The following FOXN3 variants were observed in gnomAD, a reference collection of about 807,000 sequenced individuals.
FOXN3 encodes forkhead box protein N3.
A neutral mutation model predicts 38.4 loss-of-function variants in FOXN3; 7 were observed. The ratio of observed to expected loss-of-function variants is 0.18; its 90% confidence interval spans 0.10 to 0.34. FOXN3 has a LOEUF of 0.34. Ranked by LOEUF, FOXN3 falls within the 10% of genes least tolerant of loss-of-function variation. FOXN3 has a pLI of 1.00. For synonymous variants in FOXN3, 230 were observed against 242.2 expected (o/e 0.95, Z 0.47); for missense variants, 456 against 613.4 (o/e 0.74, Z 2.71).
At chr14:89,555,689 T>A (rs181203583) in intron 1 of FOXN3, among the ~76,000 whole-genome samples, 1 of 152,288 alleles carries the variant, frequency 6.6e-6, no homozygotes, top group East Asian at 1.9e-4. Flanking sequence ...AATTTGATAA[T>A]CACAATAACC....
chr14:89,251,774 T>C (rs146316048), intron 4 of FOXN3, among the ~76,000 whole-genome samples: 115 of 152,342 alleles, frequency 7.5e-4, no homozygotes, highest in African/African-American at 2.6e-3. Context: ...ATAAAATCAT[T>C]ACTATAAACA....
At chr14:89,253,735 T>TCAATCTGTACCCTTCTCACTAGC (rs1202939403) in intron 4 of FOXN3, among the ~76,000 whole-genome samples, 29 of 152,298 alleles carry the variant, frequency 1.9e-4, no homozygotes, top group African/African-American at 7.0e-4. Context: ...CCCTCTCTAG[T>TCAATCTGTACCCTTCTCACTAGC]CAATCTGTAC....
At chr14:89,355,876 T>C (rs1467104325) in intron 2 of FOXN3, among the ~76,000 whole-genome samples, 2 of 151,662 alleles carry the variant, frequency 1.3e-5, no homozygotes, top group African/African-American at 4.8e-5. Context: ...TTAGCAACAG[T>C]GGGGGACTTA....
intron 4 of FOXN3, among the ~76,000 whole-genome samples, chr14:89,280,143 C>T (rs552419782): frequency 5.3e-5 from 8 of 152,290 alleles, no homozygotes; most frequent in African/African-American, 1.4e-4. Context: ...ATAGAAAGCT[C>T]GAAGGCCCCG....
chr14:89,310,271 G>T (rs1015169869), intron 3 of FOXN3, among the ~76,000 whole-genome samples: 2 of 152,188 alleles, frequency 1.3e-5, no homozygotes, highest in African/African-American at 4.8e-5. Flanking sequence ...AACCTGCAGG[G>T]ACTCACAGGG....
rs147327173 is a variant in FOXN3 at position 89,353,136 on chromosome 14, C to T, written c.544-2328G>A. On this transcript the variant is annotated intron_variant, in intron 2 of 5. Transcript: ENST00000557258. ...AACAGGTGATCTGGAGCCACACAGA[C>T]GTTTCCTGAGTGGCCCTGCACAAAT... Among the ~76,000 whole-genome samples the T allele has an allele frequency of 4.5e-3, 692 of 152,326 alleles. 4 individuals carry two copies. Among genetic ancestry groups the T allele is most frequent in the Non-Finnish European group, 7.7e-3 (523 of 68,024 alleles).
intron 3 of FOXN3, among the ~76,000 whole-genome samples, chr14:89,322,056 C>G (rs1399489022): frequency 6.6e-6 from 1 of 152,248 alleles, no homozygotes; most frequent in African/African-American, 2.4e-5. Flanking sequence ...TTTGGGTAAT[C>G]TGAGGTCCGT....
chr14:89,514,644 G>A (rs142019056), intron 1 of FOXN3, among the ~76,000 whole-genome samples: 1,845 of 152,280 alleles, frequency 0.012, 20 homozygotes, highest in Middle Eastern at 0.027. Context: ...TGTCAGGACG[G>A]CACTATTTCC....
chr14:89,615,905 T>C (rs1733348529), intron 1 of FOXN3, among the ~76,000 whole-genome samples: 1 of 152,188 alleles, frequency 6.6e-6, no homozygotes, highest in Admixed American at 6.5e-5. Flanking sequence ...AATTAGTTGA[T>C]GAAAATAAGG....
In FOXN3 at chr14:89,505,771, G is replaced by C. The variant is rs545861599; in HGVS notation, c.-14-93281C>G. On this transcript the variant is annotated intron_variant, in intron 1 of 6. Coordinates refer to the FOXN3 transcript ENST00000345097. ...ATGTGAGGAGCCTCTCTGCCTGGCT[G>C]CCCAGTCTGGAAAGTGAGGAGCGCC... Among the ~76,000 whole-genome samples the C allele has an allele frequency of 6.8e-4, 102 of 150,746 alleles. No homozygotes were observed. The South Asian group carries it at 0.021, about 31-fold the overall frequency.
At chr14:89,280,201 C>T (rs528255832) in intron 4 of FOXN3, among the ~76,000 whole-genome samples, 29 of 152,264 alleles carry the variant, frequency 1.9e-4, no homozygotes, top group South Asian at 8.3e-4. Flanking sequence ...TCCAAAATAG[C>T]GATAACCCCA....
chr14:89,187,368 C>T (rs900259481), intron 4 of FOXN3, among the ~76,000 whole-genome samples: 3 of 152,218 alleles, frequency 2.0e-5, no homozygotes, highest in African/African-American at 7.2e-5. Context: ...GCCACACTCT[C>T]CACTCATGGG....
At chr14:89,176,459 T>A (rs572680195) in intron 5 of FOXN3, among the ~76,000 whole-genome samples, 102 of 152,268 alleles carry the variant, frequency 6.7e-4, no homozygotes, top group Middle Eastern at 3.4e-3. Context: ...GGGAAATTGG[T>A]CTTTAGTGGG....
intron 3 of FOXN3, among the ~76,000 whole-genome samples, chr14:89,282,083 T>C (rs1447033650): frequency 6.6e-6 from 1 of 152,008 alleles, no homozygotes; most frequent in Non-Finnish European, 1.5e-5. Flanking sequence ...GAAATGCCAA[T>C]GACACATTCT....
chr14:89,255,399 C>T (rs181033787), intron 4 of FOXN3, among the ~76,000 whole-genome samples: 1 of 152,190 alleles, frequency 6.6e-6, no homozygotes, highest in South Asian at 2.1e-4. Flanking sequence ...TGTGTTCATT[C>T]ATTCATTCAC....
At chr14:89,203,040 A>G (rs1179680347) in intron 4 of FOXN3, among the ~76,000 whole-genome samples, 1 of 124,920 alleles carries the variant, frequency 8.0e-6, no homozygotes, top group Non-Finnish European at 1.6e-5. Flanking sequence ...AAACTTTAAG[A>G]CAGGTCCAGT....
rs76282539 is a variant in FOXN3 at position 89,218,723 on chromosome 14, C to T, written c.746-37917G>A. Among the ~76,000 whole-genome samples, 581 of 152,312 alleles carry T rather than the reference C, an allele frequency of 3.8e-3. 3 individuals are homozygous for T. The highest frequency in any genetic ancestry group is 0.013 in the African/African-American group (529 of 41,560). ...ATGCTGTAGTGAGCCTCCTTGCACA[C>T]GTCTGGCTGTGGACATGTGGGGCTG... On this transcript the variant is annotated intron_variant, in intron 4 of 5. Coordinates refer to ENST00000557258, the MANE Select transcript of FOXN3 (RefSeq NM_005197.4).
intron 2 of FOXN3, among the ~76,000 whole-genome samples, chr14:89,380,544 C>T (rs1310131373): frequency 6.6e-6 from 1 of 152,206 alleles, no homozygotes; most frequent in Non-Finnish European, 1.5e-5. Context: ...GTTGACCATG[C>T]AGTCCAGTGA....
In FOXN3 at chr14:89,548,945, C is replaced by T. The variant is rs933162754; in HGVS notation, c.-15+70083G>A. The stretch of plus-strand genomic sequence containing the variant: ...ACCAGCCTGATCAATATGGTGAAAC[C>T]CTGTCTCTACTGAAAATACAAAAAT... On this transcript the variant is annotated intron_variant, in intron 1 of 6. Coordinates refer to the FOXN3 transcript ENST00000345097. This position sits in a 1 kb window ranked among gnomAD's most constrained non-coding sequence, Gnocchi z 4.8. Among the ~76,000 whole-genome samples the T allele has an allele frequency of 1.6e-4, 24 of 151,772 alleles. No homozygotes were observed. Among genetic ancestry groups the T allele is most frequent in the African/African-American group, 5.8e-4 (24 of 41,326 alleles).
Sources: gnomAD v4.1 joint callset for allele counts (sites outside exome capture counted in the v4.1 genomes callset) on GRCh38, gnomAD v4.1.1 for gene constraint, Gnocchi (gnomAD v3.1) non-coding constraint, MANE v1.5 for transcripts, NCBI Gene and HGNC (gene_info 2026-07-23, HGNC 2026-07-21) for gene names.